STK32B: variants seen among roughly 807,000 people sequenced by gnomAD.
STK32B encodes the protein serine/threonine kinase 32B.
A neutral mutation model predicts 52.6 loss-of-function variants in STK32B; 43 were observed. The observed-to-expected ratio is 0.82, with a 90% confidence interval of 0.64 to 1.05. The LOEUF (loss-of-function observed/expected upper bound fraction) is 1.05, where lower values mean the gene tolerates loss of function less well. STK32B is among the 50% of genes least tolerant of loss of function. The probability of loss-of-function intolerance (pLI) is 0.00; values close to 1 mark genes in which losing one functional copy is unlikely to be tolerated. For synonymous variants in STK32B, 238 were observed against 204.3 expected, an observed-to-expected ratio of 1.17 and a Z score of -1.41; for missense variants, 621 against 534.6, an observed-to-expected ratio of 1.16 and a Z score of -1.59.
chr4:5,390,851 T>C (rs1046034782), intron 4 of STK32B, among the ~76,000 whole-genome samples: 2 of 152,056 alleles, frequency 1.3e-5, no homozygotes, highest in African/African-American at 4.8e-5. Context: ...TCTCCCAGTT[T>C]CCAGTGGTCT....
chr4:5,253,436 A>G (rs1726077073), intron 3 of STK32B, among the ~76,000 whole-genome samples: 1 of 152,110 alleles, frequency 6.6e-6, no homozygotes, highest in Non-Finnish European at 1.5e-5. Context: ...GTGCAGTGGC[A>G]CGATCTCAGC....
chr4:5,081,497 T>G (rs1254428189), intron 1 of STK32B, among the ~76,000 whole-genome samples: 3 of 152,172 alleles, frequency 2.0e-5, no homozygotes, highest in African/African-American at 7.2e-5. Flanking sequence ...TATTCCCATA[T>G]TCCCATAGTC....
At chr4:5,432,874 A>G (rs1435131323) in intron 6 of STK32B, among the ~76,000 whole-genome samples, 1 of 152,182 alleles carries the variant, frequency 6.6e-6, no homozygotes, top group East Asian at 1.9e-4. Flanking sequence ...TCTCTTCACA[A>G]TAAGATTTTG....
chr4:5,468,560 C>G (rs1250251880), intron 11 of STK32B, among the ~76,000 whole-genome samples: 1 of 152,144 alleles, frequency 6.6e-6, no homozygotes, highest in Admixed American at 6.5e-5. Flanking sequence ...AAGGGGTTCT[C>G]AACACGGCAA....
At chr4:5,022,343 G>A in the STK32B span, among the ~76,000 whole-genome samples, 1 of 152,186 alleles carries the variant, frequency 6.6e-6, no homozygotes, top group East Asian at 1.9e-4. Context: ...TAAGGCACAA[G>A]CCCACTAAGA....
In STK32B at chr4:5,380,317, C is replaced by T. The variant is rs1735861513; in HGVS notation, c.435-17890C>T. ...CCAGGCCCTCGCTTCCCTCCCAGCC[C>T]TCCTCCCGAATCTCTCCAACGCTAC... On this transcript the variant is annotated intron_variant, in intron 4 of 11. Coordinates refer to ENST00000282908, the MANE Select transcript of STK32B (RefSeq NM_018401.3). The surrounding 1 kb of genome is among the most constrained non-coding windows in gnomAD (Gnocchi z 4.3). 1.3e-5 allele frequency among the ~76,000 whole-genome samples: 2 copies of T among 152,172 alleles called. No individual in the cohort carries two copies. Among genetic ancestry groups the T allele is most frequent in the South Asian group, 4.1e-4 (2 of 4,830 alleles).
chr4:5,274,163 G>A (rs931208494), intron 3 of STK32B, among the ~76,000 whole-genome samples: 2 of 152,070 alleles, frequency 1.3e-5, no homozygotes, highest in African/African-American at 2.4e-5. Context: ...AAATGCAAAA[G>A]ACCTGGAATA....
intron 2 of STK32B, among the ~76,000 whole-genome samples, chr4:5,145,541 T>C (rs1198983702): frequency 2.0e-5 from 3 of 152,000 alleles, no homozygotes; most frequent in African/African-American, 7.2e-5. Context: ...CCATCCATTA[T>C]AGATTAGAGT....
chr4:5,052,115 GT>G (rs1397104755), intron 1 of STK32B, among the ~76,000 whole-genome samples, 200 bp downstream of exon 1: 4 of 152,220 alleles, frequency 2.6e-5, no homozygotes, highest in Non-Finnish European at 5.9e-5. Context: ...ACCCAGTGCC[GT>G]TTAGTAGTCG....
At chr4:5,030,393 G>C in the STK32B span, among the ~76,000 whole-genome samples, 1 of 152,178 alleles carries the variant, frequency 6.6e-6, no homozygotes, top group African/African-American at 2.4e-5. Flanking sequence ...ATACTGAATG[G>C]AATACTTTTA....
At chr4:5,476,763 G>C (rs1718274183) in intron 11 of STK32B, among the ~76,000 whole-genome samples, 1 of 151,500 alleles carries the variant, frequency 6.6e-6, no homozygotes, top group African/African-American at 2.4e-5. Flanking sequence ...TTTGGAAACA[G>C]AGTCTTTGCA....
At chr4:5,439,198 A>C (rs1714451495) in intron 6 of STK32B, among the ~76,000 whole-genome samples, 1 of 149,468 alleles carries the variant, frequency 6.7e-6, no homozygotes, top group Non-Finnish European at 1.5e-5. Context: ...ACAATGGTTG[A>C]ACTAGTTTAC....
At chr4:5,084,460 T>TG (rs1712607616) in intron 1 of STK32B, among the ~76,000 whole-genome samples, 1 of 152,124 alleles carries the variant, frequency 6.6e-6, no homozygotes, top group Admixed American at 6.5e-5. Flanking sequence ...TTTGAAGACA[T>TG]GAAAAAAATG....
chr4:5,393,729 C>T (rs1231186336), intron 4 of STK32B, among the ~76,000 whole-genome samples: 1 of 152,088 alleles, frequency 6.6e-6, no homozygotes, highest in Non-Finnish European at 1.5e-5. Flanking sequence ...CACCTCCTAC[C>T]AGGCCCCTCC....
intron 1 of STK32B, among the ~76,000 whole-genome samples, chr4:5,122,381 T>TTCACTCACTCACTCATTCATTCAC (rs57737223): frequency 0.015 from 2,291 of 151,458 alleles, 45 homozygotes; most frequent in African/African-American, 0.039. Context: ...CACTCATTCA[T>TTCACTCACTCACTCATTCATTCAC]TCACTCACTC....
intron 4 of STK32B, among the ~76,000 whole-genome samples, chr4:5,349,327 G>A (rs374025939): frequency 3.3e-5 from 5 of 152,020 alleles, no homozygotes; most frequent in African/African-American, 4.8e-5. Context: ...CAGAGCCTCC[G>A]TAAACAACAA....
chr4:5,426,570 G>A (rs1479258735), intron 6 of STK32B, among the ~76,000 whole-genome samples: 2 of 151,808 alleles, frequency 1.3e-5, no homozygotes, highest in African/African-American at 4.8e-5. Context: ...AACTGGGTGT[G>A]GTGGTGTGCA....
At chr4:5,433,383 A>G (rs1268994703) in intron 6 of STK32B, among the ~76,000 whole-genome samples, 1 of 152,154 alleles carries the variant, frequency 6.6e-6, no homozygotes, top group Non-Finnish European at 1.5e-5. Context: ...AGTTGTGCCC[A>G]TGGGACCTGT....
intron 1 of STK32B, among the ~76,000 whole-genome samples, chr4:5,053,711 G>A (rs1030432515): frequency 2.6e-5 from 4 of 152,136 alleles, no homozygotes; most frequent in Non-Finnish European, 4.4e-5. Flanking sequence ...GGCCGGGCGC[G>A]GTGGCTCATG....
Sources: allele counts gnomAD v4.1 joint callset (sites outside exome capture counted in the v4.1 genomes callset), GRCh38; gene constraint gnomAD v4.1.1; non-coding constraint Gnocchi (gnomAD v3.1); transcripts MANE v1.5; gene names NCBI Gene and HGNC (gene_info 2026-07-23, HGNC 2026-07-21).